Variants in MACROD2 observed in about 807,000 individuals in gnomAD.
The protein encoded by MACROD2 is ADP-ribose glycohydrolase MACROD2.
Under a neutral mutation model 70.4 loss-of-function variants are expected in MACROD2, and 36 were observed. The observed-to-expected ratio is 0.51, with a 90% CI of 0.39 to 0.68. The LOEUF (loss-of-function observed/expected upper bound fraction) is 0.68, where lower values mean the gene tolerates loss of function less well. Among genes scored for constraint, MACROD2 ranks in the 30% least tolerant of loss-of-function variants. The probability of loss-of-function intolerance (pLI) is 0.00; values close to 1 mark genes in which losing one functional copy is unlikely to be tolerated. For synonymous variants in MACROD2, 172 were observed against 178.8 expected (o/e 0.96, Z 0.30); for missense variants, 496 against 538.4 (o/e 0.92, Z 0.78).
At chr20:15,875,233 A>G (rs1418097401) in intron 9 of MACROD2, among the ~76,000 whole-genome samples, 1 of 152,200 alleles carries the variant, frequency 6.6e-6, no homozygotes, top group East Asian at 1.9e-4. Flanking sequence ...TTACAACAGT[A>G]ATAGAAAACT....
At chr20:15,985,366 C>A (rs950528054) in intron 13 of MACROD2, among the ~76,000 whole-genome samples, 1 of 152,118 alleles carries the variant, frequency 6.6e-6, no homozygotes, top group Non-Finnish European at 1.5e-5. Flanking sequence ...CAAGACAAGT[C>A]AAAACCAAAA....
intron 8 of MACROD2, among the ~76,000 whole-genome samples, chr20:15,753,827 T>C (rs1297657360): frequency 1.3e-5 from 2 of 152,234 alleles, no homozygotes; most frequent in African/African-American, 2.4e-5. Flanking sequence ...TGTGAGATGG[T>C]AGCTCATCGT....
At chr20:14,229,120 T>C (rs1262403230) in intron 3 of MACROD2, among the ~76,000 whole-genome samples, 1 of 152,198 alleles carries the variant, frequency 6.6e-6, no homozygotes, top group Non-Finnish European at 1.5e-5. Flanking sequence ...TATAAAACTT[T>C]AGGAGATAAC....
chr20:14,423,796 C>G (rs1337272828), intron 3 of MACROD2, among the ~76,000 whole-genome samples: 2 of 83,830 alleles, frequency 2.4e-5, no homozygotes, highest in Admixed American at 1.7e-4. Flanking sequence ...GAGTTTCGCT[C>G]TTTTCGCCCA....
chr20:15,166,400 G>A (rs1461618913), intron 5 of MACROD2, among the ~76,000 whole-genome samples: 1 of 152,116 alleles, frequency 6.6e-6, no homozygotes, highest in East Asian at 1.9e-4. Flanking sequence ...CAAGAAGTTA[G>A]GCCTTCAAGA....
intron 3 of MACROD2, among the ~76,000 whole-genome samples, chr20:14,279,747 A>T (rs943982218): frequency 2.0e-5 from 3 of 152,152 alleles, no homozygotes; most frequent in African/African-American, 7.2e-5. Flanking sequence ...AATACACAAA[A>T]TTTACATCCA....
chr20:15,419,670 A>G (rs1032439840), intron 6 of MACROD2, among the ~76,000 whole-genome samples: 2 of 152,124 alleles, frequency 1.3e-5, no homozygotes, highest in African/African-American at 4.8e-5. Context: ...TTCTCAGGGG[A>G]TTTGAAAAGA....
intron 7 of MACROD2, among the ~76,000 whole-genome samples, chr20:15,484,621 G>A (rs2047141766): frequency 6.6e-6 from 1 of 152,136 alleles, no homozygotes. Context: ...CACACAGAAT[G>A]CTGTGGCATG....
At chr20:15,088,094 TAATC>T (rs1381196644) in intron 5 of MACROD2, among the ~76,000 whole-genome samples, 3 of 151,910 alleles carry the variant, frequency 2.0e-5, no homozygotes, top group Non-Finnish European at 4.4e-5. Flanking sequence ...CATTGCAAAT[TAATC>T]AGATAATAGT....
rs577430367 is a variant in MACROD2 at position 14,743,295 on chromosome 20, G to A, written c.418+58336G>A. Among the ~76,000 whole-genome samples, 18 of 152,174 alleles carry A rather than the reference G, an allele frequency of 1.2e-4. No individual in the cohort carries two copies. The East Asian group carries it at 3.1e-3, about 26-fold the overall frequency. On this transcript the variant is annotated intron_variant, in intron 5 of 17. Transcript: ENST00000684519. The stretch of plus-strand genomic sequence containing the variant: ...GAATATTACCTTACATGGCTAGAGG[G>A]ATGTTATATAGTTGTGATGAAAGTT...
At chr20:14,208,416 T>C (rs1026718002) in intron 3 of MACROD2, among the ~76,000 whole-genome samples, 5 of 152,178 alleles carry the variant, frequency 3.3e-5, no homozygotes, top group Non-Finnish European at 7.3e-5. Context: ...ATTTTCTTTC[T>C]CTAGGACTTT....
intron 8 of MACROD2, among the ~76,000 whole-genome samples, chr20:15,842,033 A>G (rs1484114245): frequency 6.6e-6 from 1 of 152,090 alleles, no homozygotes; most frequent in Non-Finnish European, 1.5e-5. Context: ...GGTTGAAAAG[A>G]CACTAGACAC....
intron 3 of MACROD2, chr20:14,352,356 G>A (rs997146827): frequency 6.6e-6 from 1 of 152,064 alleles, no homozygotes; most frequent in Non-Finnish European, 1.5e-5. Context: ...AAATTGGAAC[G>A]ATATAGAGAA....
At chr20:15,751,203 T>C (rs2051263686) in intron 8 of MACROD2, among the ~76,000 whole-genome samples, 1 of 152,058 alleles carries the variant, frequency 6.6e-6, no homozygotes, top group South Asian at 2.1e-4. Context: ...CTGGATTTGA[T>C]CATTTATACC....
chr20:14,508,115 T>G (rs412345), intron 4 of MACROD2, among the ~76,000 whole-genome samples: 124,791 of 152,030 alleles, frequency 0.82, 51,633 homozygotes, highest in East Asian at 1. Flanking sequence ...AGGGCTGGAT[T>G]CATCTTCAGA....
intron 6 of MACROD2, among the ~76,000 whole-genome samples, chr20:15,408,554 CAGA>C (rs1369092301): frequency 6.6e-6 from 1 of 152,136 alleles, no homozygotes; most frequent in Non-Finnish European, 1.5e-5. Flanking sequence ...GTGAAGATTC[CAGA>C]AGAAGTGAAT....
intron 15 of MACROD2, among the ~76,000 whole-genome samples, chr20:16,011,978 C>T (rs1568707951): frequency 1.3e-5 from 2 of 152,138 alleles, no homozygotes; most frequent in Non-Finnish European, 2.9e-5. Flanking sequence ...TCACTTGCTC[C>T]CCACCATGGT....
At chr20:15,083,885 T>C (rs780211362) in intron 5 of MACROD2, among the ~76,000 whole-genome samples, 2 of 152,056 alleles carry the variant, frequency 1.3e-5, no homozygotes, top group Non-Finnish European at 2.9e-5. Flanking sequence ...AATCCTATGT[T>C]CTGTATCTCT....
At chr20:15,515,855 A>G (rs1316020729) in intron 8 of MACROD2, among the ~76,000 whole-genome samples, 6 of 152,136 alleles carry the variant, frequency 3.9e-5, no homozygotes, top group African/African-American at 9.7e-5. Flanking sequence ...AGAAAATTCT[A>G]CCCTGCTCTT....
Sources: gnomAD v4.1 joint callset for allele counts (sites outside exome capture counted in the v4.1 genomes callset) on GRCh38, gnomAD v4.1.1 for gene constraint, MANE v1.5 for transcripts, NCBI Gene and HGNC (gene_info 2026-07-23, HGNC 2026-07-21) for gene names.